Variants in PIK3C2G observed in about 807,000 individuals in gnomAD.
PIK3C2G encodes phosphatidylinositol 3-kinase C2 domain-containing subunit gamma.
Under a neutral mutation model 181.1 loss-of-function variants are expected in PIK3C2G, and 168 were observed. That is an observed-to-expected ratio of 0.93 (90% CI 0.82 to 1.05). The LOEUF (loss-of-function observed/expected upper bound fraction) is 1.05, where lower values mean the gene tolerates loss of function less well. PIK3C2G is among the 50% of genes least tolerant of loss of function. PIK3C2G has a pLI of 0.00. For missense variants in PIK3C2G, 1,869 were observed against 1,732.8 expected, an observed-to-expected ratio of 1.08 and a Z score of -1.40; for synonymous variants, 573 against 592.2, an observed-to-expected ratio of 0.97 and a Z score of 0.47.
intron 5 of PIK3C2G, among the ~76,000 whole-genome samples, chr12:18,298,535 G>C (rs1211608924): frequency 6.6e-6 from 1 of 150,930 alleles, no homozygotes; most frequent in African/African-American, 2.4e-5. Flanking sequence ...TGCTATGCAG[G>C]AGCTTTTTAG....
At chr12:18,603,525 C>T (rs1947843059) in intron 30 of PIK3C2G, among the ~76,000 whole-genome samples, 1 of 151,928 alleles carries the variant, frequency 6.6e-6, no homozygotes, top group African/African-American at 2.4e-5. Context: ...ACTAAGAACA[C>T]CTGGGAATTC....
chr12:18,658,564 A>T, the PIK3C2G span, among the ~76,000 whole-genome samples: 1 of 152,270 alleles, frequency 6.6e-6, no homozygotes, highest in South Asian at 2.1e-4. Flanking sequence ...CAACCAAGAG[A>T]TCTATATTTG....
chr12:18,252,996 A>G (rs562411207), intron 1 of PIK3C2G, among the ~76,000 whole-genome samples: 30 of 152,250 alleles, frequency 2.0e-4, no homozygotes, highest in African/African-American at 7.0e-4. Flanking sequence ...ACTTTCCCTG[A>G]GATGATGGAA....
At chr12:18,460,445 G>A (rs529201195) in intron 18 of PIK3C2G, among the ~76,000 whole-genome samples, 6 of 151,780 alleles carry the variant, frequency 4.0e-5, no homozygotes, top group Non-Finnish European at 7.4e-5. Context: ...GTGGTGGCAC[G>A]CGCCTGTAAT....
Position 18,282,103 on chromosome 12 carries a change from G to T in PIK3C2G, c.22G>T (p.Asp8Tyr), listed in dbSNP as rs201177662. 65 of 1,600,286 alleles carry T rather than the reference G, an allele frequency of 4.1e-5. No homozygotes were observed. In the East Asian group the frequency reaches 8.8e-4, roughly 22 times the overall value. The change falls in exon 2 of 33, where the codon GAT (aspartate) becomes TAT (tyrosine). Residue 8 changes from aspartate (D) to tyrosine (Y), a missense_variant. Asp to Tyr is a radical substitution (Grantham distance 160, BLOSUM62 -3). Transcript: ENST00000538779. MAYSWQT[D>Y]PNPNESHEKQ... ...AAAAATGGCATATTCTTGGCAAACG[G>T]ATCCAAATCCTAATGAATCACACGA...
At chr12:18,543,920 C>G (rs1406726096) in intron 25 of PIK3C2G, among the ~76,000 whole-genome samples, 1 of 151,854 alleles carries the variant, frequency 6.6e-6, no homozygotes, top group African/African-American at 2.4e-5. Flanking sequence ...AGTTCCTGTT[C>G]TCAAAGAACT....
chr12:18,343,431 T>G, intron 10 of PIK3C2G, 71 bp downstream of exon 10: 1 of 778,912 alleles, frequency 1.3e-6, no homozygotes, highest in Non-Finnish European at 2.1e-6. Context: ...AAATACTTTT[T>G]TCAATTTTTT....
intron 18 of PIK3C2G, among the ~76,000 whole-genome samples, chr12:18,440,021 G>A (rs190762237): frequency 1.3e-5 from 2 of 152,056 alleles, no homozygotes; most frequent in African/African-American, 2.4e-5. Flanking sequence ...ATGCAAACCT[G>A]TTTCTACTAT....
In PIK3C2G at chr12:18,321,029, C is replaced by A. The variant is rs777932037; in HGVS notation, c.1205C>A (p.Ser402Tyr). ...LLEFMHIWKV[S>Y]RQCLLTLIRK... The stretch of plus-strand genomic sequence containing the variant: ...GAATTTATGCATATTTGGAAAGTAT[C>A]CAGGTAAGATATTTTATATTTGTTC... The change falls in exon 7 of 33, where the codon TCC (serine) becomes TAC (tyrosine). Residue 402 changes from serine (S) to tyrosine (Y), a missense_variant. Coordinates refer to ENST00000538779, the MANE Select transcript of PIK3C2G (RefSeq NM_001288772.2). 17 of 1,467,936 alleles carry A rather than the reference C, an allele frequency of 1.2e-5. No homozygotes were observed. Among genetic ancestry groups the A allele is most frequent in the Non-Finnish European group, 1.5e-5 (16 of 1,056,070 alleles). The allele number at this position is 1,467,936 out of a possible 1,614,324, so 90.9% of individuals were successfully genotyped here.
intron 31 of PIK3C2G, among the ~76,000 whole-genome samples, chr12:18,627,668 C>T (rs957104512): frequency 6.6e-6 from 1 of 152,180 alleles, no homozygotes; most frequent in Non-Finnish European, 1.5e-5. Context: ...CAAATCATAT[C>T]GCAAGTGCTT....
chr12:18,562,119 C>T (rs1945376397), intron 26 of PIK3C2G, among the ~76,000 whole-genome samples: 1 of 152,140 alleles, frequency 6.6e-6, no homozygotes, highest in Admixed American at 6.5e-5. Flanking sequence ...CCCAAATAAA[C>T]AACAAAATCT....
At chr12:18,680,811 T>C in the PIK3C2G span, among the ~76,000 whole-genome samples, 1 of 152,004 alleles carries the variant, frequency 6.6e-6, no homozygotes, top group African/African-American at 2.4e-5. Context: ...GATTAAATGA[T>C]CTGGGGGAGA....
At chr12:18,695,026 A>C in the PIK3C2G span, 1 of 1,612,982 alleles carries the variant, frequency 6.2e-7, no homozygotes. Context: ...TTATCCAAAA[A>C]TTTCCCATTT....
chr12:18,296,079 C>T (rs1393447376), intron 5 of PIK3C2G, among the ~76,000 whole-genome samples: 1 of 152,000 alleles, frequency 6.6e-6, no homozygotes, highest in Non-Finnish European at 1.5e-5. Flanking sequence ...TCTGATAATA[C>T]TTCAAAATAA....
At chr12:18,568,499 C>T (rs1203420412) in intron 29 of PIK3C2G, among the ~76,000 whole-genome samples, 4 of 151,864 alleles carry the variant, frequency 2.6e-5, no homozygotes, top group African/African-American at 9.7e-5. Flanking sequence ...AATCCAAAAT[C>T]TGTAGGGTGG....
At chr12:18,714,809 C>A in the PIK3C2G span, 10 of 152,188 alleles carry the variant, frequency 6.6e-5, no homozygotes, top group African/African-American at 2.4e-4. Flanking sequence ...TGCTGCCAAA[C>A]ATTCTGCAAT....
chr12:18,697,944 C>G, the PIK3C2G span, among the ~76,000 whole-genome samples: 1 of 151,994 alleles, frequency 6.6e-6, no homozygotes, highest in Non-Finnish European at 1.5e-5. Flanking sequence ...TAATGTTATA[C>G]TTTGACTCTA....
At chr12:18,559,833 G>GAA (rs1945250420) in intron 26 of PIK3C2G, among the ~76,000 whole-genome samples, 1 of 84,824 alleles carries the variant, frequency 1.2e-5, no homozygotes, top group African/African-American at 4.4e-5. Context: ...GAGAGAGAGA[G>GAA]AGAGAGAGAG....
intron 25 of PIK3C2G, among the ~76,000 whole-genome samples, chr12:18,539,224 G>C (rs1313958552): frequency 6.6e-6 from 1 of 151,896 alleles, no homozygotes; most frequent in African/African-American, 2.4e-5. Context: ...ACCCCCAAAA[G>C]ACTATTTCCT....
Sources: allele counts gnomAD v4.1 joint callset (sites outside exome capture counted in the v4.1 genomes callset), GRCh38; gene constraint gnomAD v4.1.1; transcripts MANE v1.5; gene names NCBI Gene and HGNC (gene_info 2026-07-23, HGNC 2026-07-21).